EXOC6B: variants seen among roughly 807,000 people sequenced by gnomAD.
EXOC6B encodes SEC15 homolog B.
A neutral mutation model predicts 113.5 loss-of-function variants in EXOC6B; 54 were observed. That is an observed-to-expected ratio of 0.48 (90% confidence interval 0.38 to 0.60). The LOEUF is 0.60. Among genes scored for constraint, EXOC6B ranks in the 20% least tolerant of loss-of-function variants. EXOC6B has a pLI of 0.00. For synonymous variants in EXOC6B, 357 were observed against 339.0 expected (o/e 1.05, Z -0.58); for missense variants, 797 against 977.5 (o/e 0.82, Z 2.46).
At chr2:72,515,812 A>C in intron 8 of EXOC6B, 1 of 797,046 alleles carries the variant, frequency 1.3e-6, no homozygotes, top group Non-Finnish European at 1.5e-6. Context: ...CATATTTGGA[A>C]ATAGGGCCAT....
intron 6 of EXOC6B, among the ~76,000 whole-genome samples, chr2:72,647,946 A>C (rs1176725805): frequency 6.6e-6 from 1 of 152,198 alleles, no homozygotes; most frequent in Non-Finnish European, 1.5e-5. Context: ...TAATTAAACT[A>C]AAGAGCTTCT....
At chr2:72,542,840 A>G (rs955787885) in intron 8 of EXOC6B, among the ~76,000 whole-genome samples, 1 of 152,228 alleles carries the variant, frequency 6.6e-6, no homozygotes, top group African/African-American at 2.4e-5. Flanking sequence ...GCAAGCCACA[A>G]AAACCTCTGA....
intron 18 of EXOC6B, among the ~76,000 whole-genome samples, chr2:72,393,025 G>C (rs1172867249): frequency 6.6e-6 from 1 of 151,976 alleles, no homozygotes; most frequent in Non-Finnish European, 1.5e-5. Context: ...GCAGCTTACA[G>C]CTTAGAAATG....
chr2:72,738,557 C>A (rs1314255596), intron 2 of EXOC6B, among the ~76,000 whole-genome samples: 1 of 152,174 alleles, frequency 6.6e-6, no homozygotes, highest in Admixed American at 6.5e-5. Flanking sequence ...TCAGTTGAAA[C>A]TGCAGGAAAC....
At chr2:72,528,702 G>A (rs1350600719) in intron 8 of EXOC6B, among the ~76,000 whole-genome samples, 3 of 151,972 alleles carry the variant, frequency 2.0e-5, no homozygotes, top group African/African-American at 7.2e-5. Context: ...TTACATATAT[G>A]ATTTTATCGA....
In EXOC6B at chr2:72,181,402, A is replaced by G. The variant is rs562568075; in HGVS notation, c.2310-1941T>C. Among the ~76,000 whole-genome samples the G allele has an allele frequency of 1.1e-4, 17 of 152,238 alleles. No individual in the cohort carries two copies. The East Asian group carries it at 2.3e-3, about 21-fold the overall frequency. On this transcript the variant is annotated intron_variant, in intron 21 of 21. Coordinates refer to ENST00000272427, the MANE Select transcript of EXOC6B (RefSeq NM_015189.3). Reference sequence around the variant, plus strand: ...AAGCACGAGGGTCCTTAAGACTCTGATAATTACTGTATTTGTTCCCTAACA... The same window carrying G: ...AAGCACGAGGGTCCTTAAGACTCTGGTAATTACTGTATTTGTTCCCTAACA...
Position 72,392,933 on chromosome 2 carries a change from G to C in EXOC6B, c.1981-13063C>G, listed in dbSNP as rs545070500. 2.8e-4 allele frequency among the ~76,000 whole-genome samples: 43 copies of C among 152,200 alleles called. 2 individuals carry two copies. In the South Asian group the frequency reaches 8.5e-3, roughly 30 times the overall value. On this transcript the variant is annotated intron_variant, in intron 18 of 21. Transcript: ENST00000272427. ...GCCCAATTCTCAATGTCTCTGCTAC[G>C]TAATTTCTAGAATATTTGCTCAGCA...
In EXOC6B at chr2:72,566,650, A is replaced by G. The variant is rs981555623; in HGVS notation, c.847-7129T>C. Among the ~76,000 whole-genome samples, 15 of 152,266 alleles carry G rather than the reference A, an allele frequency of 9.9e-5. No individual in the cohort carries two copies. The East Asian group carries it at 2.1e-3, about 22-fold the overall frequency. ...TCATTTCACATTTTCACAGAAATAT[A>G]TGAGTTCCATTTGCTCTATATCCTT... On this transcript the variant is annotated intron_variant, in intron 7 of 21. Transcript: ENST00000272427.
chr2:72,631,447 TATATATATATATATAGAGAGAGAGAG>T (rs1672419305), intron 6 of EXOC6B, among the ~76,000 whole-genome samples: 9 of 65,786 alleles, frequency 1.4e-4, no homozygotes, highest in African/African-American at 4.1e-4. Context: ...TATATATATA[TATATATATATATATAGAGAGAGAGAG>T]AGAGAGAGAG....
chr2:72,259,074 T>G (rs999376718), intron 20 of EXOC6B, among the ~76,000 whole-genome samples: 3 of 152,230 alleles, frequency 2.0e-5, no homozygotes, highest in Non-Finnish European at 4.4e-5. Flanking sequence ...TATGATGAAA[T>G]GCACAAATCT....
At chr2:72,348,722 C>A (rs910448463) in intron 19 of EXOC6B, among the ~76,000 whole-genome samples, 11 of 152,066 alleles carry the variant, frequency 7.2e-5, no homozygotes, top group African/African-American at 2.7e-4. Context: ...AATACTGCAA[C>A]TTGTTTTATA....
intron 1 of EXOC6B, among the ~76,000 whole-genome samples, chr2:72,807,835 T>C (rs906303416): frequency 3.7e-5 from 5 of 136,112 alleles, no homozygotes; most frequent in African/African-American, 1.7e-4. Flanking sequence ...TAGGGATAGT[T>C]AATGAGTACA....
chr2:72,335,271 G>A (rs1410958739), intron 19 of EXOC6B: 8 of 432,048 alleles, frequency 1.9e-5, no homozygotes, highest in Non-Finnish European at 3.4e-5. Context: ...CATGAGCTGC[G>A]CTGGGCTTCA....
intron 20 of EXOC6B, among the ~76,000 whole-genome samples, chr2:72,295,121 C>T (rs1057232185): frequency 4.0e-4 from 61 of 151,206 alleles, no homozygotes; most frequent in African/African-American, 1.5e-3. Context: ...TTCCCAGCTA[C>T]TCGGGAGGCT....
rs533976567 is a variant in EXOC6B at position 72,809,516 on chromosome 2, C to A, written c.113+16282G>T. Reference sequence around the variant, plus strand: ...ATTATACAATGAAATGATCAACCCACCAAGAATGTAAAATAACCCAAAGTA... The same window carrying A: ...ATTATACAATGAAATGATCAACCCAACAAGAATGTAAAATAACCCAAAGTA... On this transcript the variant is annotated intron_variant, in intron 1 of 21. Coordinates refer to ENST00000272427, the MANE Select transcript of EXOC6B (RefSeq NM_015189.3). 2.6e-5 allele frequency among the ~76,000 whole-genome samples: 4 copies of A among 151,468 alleles called. No individual in the cohort carries two copies. The East Asian group carries it at 7.8e-4, about 29-fold the overall frequency.
At chr2:72,773,384 C>G (rs1186111702) in intron 1 of EXOC6B, among the ~76,000 whole-genome samples, 1 of 150,686 alleles carries the variant, frequency 6.6e-6, no homozygotes, top group Non-Finnish European at 1.5e-5. Context: ...CCTGCCTCAG[C>G]CTCCCAAGGT....
intron 16 of EXOC6B, among the ~76,000 whole-genome samples, chr2:72,486,729 G>A (rs1316122011): frequency 1.3e-5 from 2 of 152,090 alleles, no homozygotes; most frequent in Non-Finnish European, 2.9e-5. Flanking sequence ...CTTTAACTGT[G>A]TATTCTATCT....
intron 18 of EXOC6B, among the ~76,000 whole-genome samples, chr2:72,390,909 T>A (rs181011084): frequency 6.6e-6 from 1 of 152,358 alleles, no homozygotes; most frequent in East Asian, 1.9e-4. Flanking sequence ...CATTAATAGC[T>A]TAGTATTCAG....
intron 19 of EXOC6B, among the ~76,000 whole-genome samples, chr2:72,362,102 C>T (rs923484177): frequency 8.5e-5 from 13 of 152,076 alleles, no homozygotes; most frequent in African/African-American, 2.7e-4. Flanking sequence ...TTTAGAAGCC[C>T]GTGTTCCCTT....
Sources: allele counts gnomAD v4.1 joint callset (sites outside exome capture counted in the v4.1 genomes callset), GRCh38; gene constraint gnomAD v4.1.1; transcripts MANE v1.5; gene names NCBI Gene and HGNC (gene_info 2026-07-23, HGNC 2026-07-21).